Variants in PUS7 observed in about 807,000 individuals in gnomAD.
PUS7 encodes the protein pseudouridine synthase 7.
In PUS7, 48 loss-of-function variants were observed where a neutral mutation model predicts 79.8. The ratio of observed to expected loss-of-function variants is 0.60; its 90% confidence interval spans 0.48 to 0.76. PUS7 has a LOEUF of 0.76. PUS7 is among the 30% of genes least tolerant of loss of function. PUS7 has a pLI of 0.00. For synonymous variants in PUS7, 286 were observed against 272.2 expected (o/e 1.05, Z -0.50); for missense variants, 729 against 797.6 (o/e 0.91, Z 1.04).
At chr7:105,458,020 T>C (rs1389912235) in intron 15 of PUS7, 94 bp from the exon 16 acceptor site, 1 of 1,426,598 alleles carries the variant, frequency 7.0e-7, no homozygotes, top group African/African-American at 1.4e-5. Context: ...CAAAGAACTG[T>C]GCTGCTTTCC....
chr7:105,461,545 GA>G (rs1444366618), intron 14 of PUS7, among the ~76,000 whole-genome samples: 2 of 152,030 alleles, frequency 1.3e-5, no homozygotes, highest in Admixed American at 6.6e-5. Flanking sequence ...TTGATGATTT[GA>G]AAAATACAAA....
Position 105,495,149 on chromosome 7 carries a change from A to ATT in PUS7, c.833_834dup (p.Tyr279AsnfsTer3). The ATT allele has an allele frequency of 6.4e-7, 1 of 1,574,132 alleles. No homozygotes were observed. Among genetic ancestry groups the ATT allele is most frequent in the Non-Finnish European group, 8.7e-7 (1 of 1,146,672 alleles). ...ATAACAACAGTAACTCACCTTAAGT[A>ATT]TTTGGAGAGTACATTAATAGCATCC... On this transcript the variant is annotated frameshift_variant, in exon 6 of 16. Coordinates refer to ENST00000469408, the MANE Select transcript of PUS7 (RefSeq NM_019042.5). LOFTEE classifies it high-confidence loss of function.
chr7:105,475,173 G>A (rs1017624481), intron 9 of PUS7, among the ~76,000 whole-genome samples: 1 of 151,854 alleles, frequency 6.6e-6, no homozygotes, highest in African/African-American at 2.4e-5. Context: ...CTAGCACGCT[G>A]CACATTAAGA....
intron 1 of PUS7, among the ~76,000 whole-genome samples, chr7:105,509,335 A>AT (rs1197302193): frequency 1.3e-5 from 2 of 152,140 alleles, no homozygotes; most frequent in African/African-American, 4.8e-5. Context: ...GAAAACCGGC[A>AT]TAATACTTCC....
At chr7:105,496,997 C>A in intron 5 of PUS7, 3 of 1,189,358 alleles carry the variant, frequency 2.5e-6, no homozygotes, top group Non-Finnish European at 3.2e-6. Flanking sequence ...GCATAAAGAG[C>A]ACAAAAGAGC....
intron 5 of PUS7, among the ~76,000 whole-genome samples, chr7:105,501,966 AAAAATATAT>A (rs1454032452): frequency 0.011 from 1,275 of 112,144 alleles, 14 homozygotes; most frequent in African/African-American, 0.046. Flanking sequence ...AAAAAAAAAA[AAAAATATAT>A]ATATATATAT....
chr7:105,463,645 CTTTTTTT>C (rs5886354), intron 13 of PUS7, among the ~76,000 whole-genome samples: 1 of 147,352 alleles, frequency 6.8e-6, no homozygotes, highest in Non-Finnish European at 1.5e-5. Context: ...TTCTGCAGTT[CTTTTTTT>C]TTTTTTTAAC....
At chr7:105,476,321 T>C (rs1824110123) in intron 9 of PUS7, among the ~76,000 whole-genome samples, 1 of 152,026 alleles carries the variant, frequency 6.6e-6, no homozygotes, top group Non-Finnish European at 1.5e-5. Context: ...CTTTTGGGTA[T>C]ATACTGAGAA....
chr7:105,465,040 AAT>A (rs1299169882), intron 13 of PUS7, among the ~76,000 whole-genome samples: 4 of 152,110 alleles, frequency 2.6e-5, no homozygotes, highest in African/African-American at 9.7e-5. Context: ...GCTGGTCTCG[AAT>A]TCCAGAGCTC....
chr7:105,490,044 G>A (rs573350282), intron 7 of PUS7, among the ~76,000 whole-genome samples: 1 of 151,430 alleles, frequency 6.6e-6, no homozygotes, highest in South Asian at 2.1e-4. Flanking sequence ...ACTTGAACCA[G>A]GGAGGTGGAA....
At chr7:105,504,567 G>C (rs1302665102) in intron 4 of PUS7, among the ~76,000 whole-genome samples, 2 of 152,198 alleles carry the variant, frequency 1.3e-5, no homozygotes, top group Non-Finnish European at 2.9e-5. Context: ...TTTTACAAAT[G>C]AGGAAGCTTG....
Position 105,506,419 on chromosome 7 carries a change from T to C in PUS7, c.399-146A>G, listed in dbSNP as rs1319895535. Reference sequence around the variant, plus strand: ...CAGTGCAAAATCACATGGAGTTAATTTTTTTTTTCTTTTTTTTTTTTGAGA... The same window carrying C: ...CAGTGCAAAATCACATGGAGTTAATCTTTTTTTTCTTTTTTTTTTTTGAGA... On this transcript the variant is annotated intron_variant, in intron 2 of 15. Transcript: ENST00000469408. The C allele has an allele frequency of 8.6e-6, 5 of 579,636 alleles. 1 individual carries two copies. The highest frequency in any genetic ancestry group is 6.2e-5 in the East Asian group (2 of 32,414). The allele number at this position is 579,636 out of a possible 1,614,324, so 35.9% of individuals were successfully genotyped here. A position where few individuals can be genotyped will look rare whatever the true frequency, so the allele number is the denominator to read the frequency against.
intron 14 of PUS7, 62 bp downstream of exon 14, chr7:105,462,559 G>A (rs1823475381): frequency 1.3e-6 from 2 of 1,582,302 alleles, no homozygotes; most frequent in East Asian, 4.5e-5. Flanking sequence ...TATATAAAGT[G>A]AAGCAAAAGC....
At chr7:105,467,658 C>T (rs760797652) in intron 12 of PUS7, among the ~76,000 whole-genome samples, 5 of 151,792 alleles carry the variant, frequency 3.3e-5, no homozygotes, top group African/African-American at 1.2e-4. Context: ...AGACCTAGAT[C>T]GAAGTTTCGA....
At chr7:105,478,348 G>T (rs985579395) in intron 9 of PUS7, among the ~76,000 whole-genome samples, 1 of 152,144 alleles carries the variant, frequency 6.6e-6, no homozygotes, top group Non-Finnish European at 1.5e-5. Context: ...ACCTAGAAAT[G>T]CCTGGGTCAT....
intron 1 of PUS7, among the ~76,000 whole-genome samples, chr7:105,513,674 A>G (rs1825782968): frequency 6.8e-6 from 1 of 147,606 alleles, no homozygotes; most frequent in Admixed American, 6.8e-5. Context: ...CGTCTCTACT[A>G]AAAAATACAA....
intron 1 of PUS7, among the ~76,000 whole-genome samples, chr7:105,510,953 T>C (rs1423765518): frequency 6.6e-6 from 1 of 152,140 alleles, no homozygotes; most frequent in Non-Finnish European, 1.5e-5. Context: ...AATATGCTAG[T>C]TCTCCAAGGC....
chr7:105,475,333 G>T (rs10243673), intron 9 of PUS7, among the ~76,000 whole-genome samples: 12 of 151,828 alleles, frequency 7.9e-5, no homozygotes, highest in East Asian at 1.9e-4. Flanking sequence ...CTACAGGCGC[G>T]CGCCACCACG....
In PUS7 at chr7:105,465,256, T is replaced by C. The variant is rs1336331702; in HGVS notation, c.1627+57A>G. The C allele has an allele frequency of 5.6e-6, 7 of 1,257,600 alleles. No individual in the cohort carries two copies. In the East Asian group the frequency reaches 7.0e-5, roughly 13 times the overall value. The allele number at this position is 1,257,600 out of a possible 1,614,324, so 77.9% of individuals were successfully genotyped here. On this transcript the variant is annotated intron_variant, in intron 13 of 15. Coordinates refer to ENST00000469408, the MANE Select transcript of PUS7 (RefSeq NM_019042.5). ...AACCAAAGTTTATATATGCTTGAAA[T>C]AGTAGCTTCATTATGTTAAACTTGT... is the stretch of plus-strand genomic sequence containing the variant.
Sources: allele counts gnomAD v4.1 joint callset (sites outside exome capture counted in the v4.1 genomes callset), GRCh38; gene constraint gnomAD v4.1.1; transcripts MANE v1.5; gene names NCBI Gene and HGNC (gene_info 2026-07-23, HGNC 2026-07-21).